Variants in STAC observed in about 807,000 individuals in gnomAD.
STAC encodes the protein SH3 and cysteine-rich domain-containing protein.
In STAC, 43 loss-of-function variants were observed where a neutral mutation model predicts 48.8. The ratio of observed to expected loss-of-function variants is 0.88; its 90% confidence interval spans 0.69 to 1.14. The LOEUF (loss-of-function observed/expected upper bound fraction) is 1.14, where lower values mean the gene tolerates loss of function less well. Among genes scored for constraint, STAC ranks in the 50% most tolerant of loss-of-function variants. The pLI is 0.00. For synonymous variants in STAC, 193 were observed against 179.5 expected (o/e 1.07, Z -0.60); for missense variants, 497 against 504.0 (o/e 0.99, Z 0.13).
At chr3:36,384,443 G>T (rs1366763671) in intron 1 of STAC, among the ~76,000 whole-genome samples, 4 of 152,090 alleles carry the variant, frequency 2.6e-5, no homozygotes, top group Non-Finnish European at 5.9e-5. Flanking sequence ...TAAGGCCTAA[G>T]AATATGTAAT....
At chr3:36,460,795 T>C (rs1375338714) in intron 2 of STAC, among the ~76,000 whole-genome samples, 1 of 152,184 alleles carries the variant, frequency 6.6e-6, no homozygotes, top group Non-Finnish European at 1.5e-5. Flanking sequence ...CCCAAAGCGA[T>C]TTACAGATTC....
chr3:36,443,396 G>A lies in STAC; in HGVS notation c.144G>A (p.Lys48=). The A allele has an allele frequency of 6.2e-7, 1 of 1,614,182 alleles. No individual in the cohort carries two copies. Among genetic ancestry groups the A allele is most frequent in the Non-Finnish European group, 8.5e-7 (1 of 1,180,044 alleles). Reference sequence around the variant, plus strand: ...AACTAAAACGATCACTTTCTTTCAAGACCAAGAGTTTACGGAGCAAAAGTG... The same window carrying A: ...AACTAAAACGATCACTTTCTTTCAAAACCAAGAGTTTACGGAGCAAAAGTG... The part of the protein sequence containing the change: ...LQKLKRSLSF[K]TKSLRSKSAD... Residue 48 remains lysine, a synonymous_variant, in exon 2 of 11, where the codon AAG becomes AAA. Transcript: ENST00000273183. The surrounding 1 kb of genome is among the most constrained non-coding windows in gnomAD (Gnocchi z 4.2).
rs577222686 is a variant in STAC, at chr3:36,530,593, C to CT, written c.1110+1627dup. 2.1e-3 allele frequency among the ~76,000 whole-genome samples: 153 copies of CT among 72,040 alleles called. 2 individuals are homozygous for CT. The highest frequency in any genetic ancestry group is 7.3e-3 in the East Asian group (17 of 2,340). The allele number at this position is 72,040 out of a possible 152,430, so 47.3% of individuals were successfully genotyped here. A position where few individuals can be genotyped will look rare whatever the true frequency, so the allele number is the denominator to read the frequency against. ...AATTCACCTTTTCTTTTTTTTTTTT[C>CT]TTTTTTTTTTTTTTTTTTTGAGACG... On this transcript the variant is annotated intron_variant, in intron 10 of 10. Coordinates refer to ENST00000273183, the MANE Select transcript of STAC (RefSeq NM_003149.3).
chr3:36,478,032 C>G (rs1697538675), intron 2 of STAC, among the ~76,000 whole-genome samples: 1 of 152,214 alleles, frequency 6.6e-6, no homozygotes, highest in African/African-American at 2.4e-5. Context: ...GAAAGGCAAC[C>G]ACTTTTGTCC....
At position 36,416,463 on chromosome 3, in the gene STAC, G is replaced by T. The variant is rs535381195; in HGVS notation, c.112-26901G>T. Among the ~76,000 whole-genome samples the T allele has an allele frequency of 4.6e-5, 7 of 152,174 alleles. No individual in the cohort carries two copies. The South Asian group carries it at 1.2e-3, about 27-fold the overall frequency. ...ACTCTGGTATATCATTCATAAACAT[G>T]GTATACCTTCCTATTATTCAGGTCT... On this transcript the variant is annotated intron_variant, in intron 1 of 10. Transcript: ENST00000273183.
chr3:36,456,901 A>G (rs1227139200), intron 2 of STAC, among the ~76,000 whole-genome samples: 1 of 152,174 alleles, frequency 6.6e-6, no homozygotes, highest in Non-Finnish European at 1.5e-5. Flanking sequence ...AACTTCCTAA[A>G]TTATGTTATT....
intron 1 of STAC, among the ~76,000 whole-genome samples, chr3:36,390,451 C>CTTTTTTTTTTTTTTTT (rs59589769): frequency 0.011 from 915 of 80,824 alleles, 51 homozygotes; most frequent in Non-Finnish European, 0.017. Flanking sequence ...TTTTTCTTTT[C>CTTTTTTTTTTTTTTTT]TTTTTTTTTT....
intron 2 of STAC, among the ~76,000 whole-genome samples, chr3:36,475,654 T>C (rs1321295227): frequency 6.6e-6 from 1 of 152,154 alleles, no homozygotes; most frequent in Non-Finnish European, 1.5e-5. Context: ...TGGTGAAAAC[T>C]CATTCTATAA....
intron 2 of STAC, among the ~76,000 whole-genome samples, chr3:36,456,774 C>T (rs1388277641): frequency 6.6e-6 from 1 of 152,198 alleles, no homozygotes; most frequent in Non-Finnish European, 1.5e-5. Flanking sequence ...AAATCCCTTC[C>T]ATGACCACAG....
At chr3:36,398,468 GA>G (rs1699920831) in intron 1 of STAC, among the ~76,000 whole-genome samples, 12 of 46,174 alleles carry the variant, frequency 2.6e-4, no homozygotes, top group Admixed American at 2.1e-3. Context: ...AGGAAGGAAG[GA>G]AGGAAGGAGG....
chr3:36,486,881 A>G (rs1028351565), intron 5 of STAC, among the ~76,000 whole-genome samples: 3 of 152,242 alleles, frequency 2.0e-5, no homozygotes, highest in African/African-American at 7.2e-5. Flanking sequence ...TAAATGCTCC[A>G]AGATGCCATA....
chr3:36,505,459 T>G (rs1432987504), intron 7 of STAC, among the ~76,000 whole-genome samples: 1 of 152,156 alleles, frequency 6.6e-6, no homozygotes, highest in Non-Finnish European at 1.5e-5. Context: ...CCATTTTTCA[T>G]GAACAACTAT....
At chr3:36,497,922 G>A (rs1166506377) in intron 6 of STAC, among the ~76,000 whole-genome samples, 2 of 152,090 alleles carry the variant, frequency 1.3e-5, no homozygotes, top group East Asian at 3.9e-4. Context: ...CAGGCATTTG[G>A]CAGAAACAAA....
At chr3:36,475,411 AT>A (rs1316720433) in intron 2 of STAC, among the ~76,000 whole-genome samples, 3 of 152,208 alleles carry the variant, frequency 2.0e-5, no homozygotes. Flanking sequence ...CAAACATGTG[AT>A]CATTCAGGCC....
chr3:36,480,265 G>A (rs1186302272), intron 2 of STAC, among the ~76,000 whole-genome samples: 1 of 152,176 alleles, frequency 6.6e-6, no homozygotes, highest in African/African-American at 2.4e-5. Flanking sequence ...TTTCAGCTAA[G>A]TAGTTATTCT....
At chr3:36,456,685 A>T (rs2125680273) in intron 2 of STAC, among the ~76,000 whole-genome samples, 1 of 152,120 alleles carries the variant, frequency 6.6e-6, no homozygotes, top group East Asian at 1.9e-4. Flanking sequence ...CCTCAGTAAA[A>T]CTTGCCACTT....
chr3:36,528,911 GAGA>G lies in STAC; in HGVS notation c.1040_1042del (p.Lys347del). ...CTTTGTTCAGAGACTACAACAAAAT[GAGA>G]AGATTTTTAGATGTGTTAGAACCTT... On this transcript the variant is annotated inframe_deletion, in exon 10 of 11. Coordinates refer to ENST00000273183, the MANE Select transcript of STAC (RefSeq NM_003149.3). 2 of 1,613,760 alleles carry G rather than the reference GAGA, an allele frequency of 1.2e-6. No individual in the cohort carries two copies. Among genetic ancestry groups the G allele is most frequent in the Non-Finnish European group, 1.7e-6 (2 of 1,179,852 alleles).
At chr3:36,386,590 C>A (rs1333723707) in intron 1 of STAC, among the ~76,000 whole-genome samples, 3 of 151,920 alleles carry the variant, frequency 2.0e-5, no homozygotes, top group Non-Finnish European at 4.4e-5. Context: ...TTGCCTTTCA[C>A]AGGTGGATTT....
chr3:36,451,656 T>G (rs1007475506), intron 2 of STAC, among the ~76,000 whole-genome samples: 2 of 152,216 alleles, frequency 1.3e-5, no homozygotes, highest in African/African-American at 4.8e-5. Context: ...TATTTATGAG[T>G]TACATGTGTT....
Sources: allele counts gnomAD v4.1 joint callset (sites outside exome capture counted in the v4.1 genomes callset), GRCh38; gene constraint gnomAD v4.1.1; non-coding constraint Gnocchi (gnomAD v3.1); transcripts MANE v1.5; gene names NCBI Gene and HGNC (gene_info 2026-07-23, HGNC 2026-07-21).